XRN1: variants seen among roughly 807,000 people sequenced by gnomAD.
XRN1 encodes the protein 5'-3' exoribonuclease 1, also known as strand-exchange protein 1 homolog.
XRN1 carries 67 observed loss-of-function variants against 222.3 expected under a neutral mutation model. That is an observed-to-expected ratio of 0.30 (90% CI 0.25 to 0.37). The LOEUF (loss-of-function observed/expected upper bound fraction) is 0.37, where lower values mean the gene tolerates loss of function less well. Among genes scored for constraint, XRN1 ranks in the 10% least tolerant of loss-of-function variants. XRN1 has a pLI of 1.00. For missense variants in XRN1, 1,707 were observed against 2,000.2 expected (o/e 0.85, Z 2.80); for synonymous variants, 643 against 652.4 (o/e 0.99, Z 0.22).
intron 2 of XRN1, among the ~76,000 whole-genome samples, chr3:142,431,913 A>AT (rs2069590020): frequency 1.6e-3 from 36 of 23,008 alleles, no homozygotes; most frequent in Non-Finnish European, 2.1e-3. Flanking sequence ...TATATATATA[A>AT]ATATATATAA....
chr3:142,380,061 A>C, intron 23 of XRN1, 21 bp downstream of exon 23: 2 of 1,582,688 alleles, frequency 1.3e-6, no homozygotes, highest in Non-Finnish European at 8.6e-7. Flanking sequence ...TAAATGAAAC[A>C]ATACAAACTA....
Position 142,425,545 on chromosome 3 carries a change from ATAATGT to A in XRN1, c.407-13_407-8del. On this transcript the variant is annotated splice_region_variant and splice_polypyrimidine_tract_variant and intron_variant, in intron 3 of 40. Transcript: ENST00000392981. ...CTGGCCATAAATTCAGTTCCTAAAAATAATGTTTTAAAAAGGTTAATCTAAGAAAGA... is the reference window on the plus strand; with the variant it reads ...CTGGCCATAAATTCAGTTCCTAAAAATTTAAAAAGGTTAATCTAAGAAAGA... 1 of 1,599,848 alleles carries A rather than the reference ATAATGT, an allele frequency of 6.3e-7. No individual in the cohort carries two copies. Among genetic ancestry groups the A allele is most frequent in the Admixed American group, 1.7e-5 (1 of 58,890 alleles).
intron 29 of XRN1, among the ~76,000 whole-genome samples, chr3:142,363,403 T>C (rs1248252136): frequency 6.6e-6 from 1 of 152,174 alleles, no homozygotes; most frequent in East Asian, 1.9e-4. Flanking sequence ...GTTAAAGACA[T>C]TATCCCTTCT....
At chr3:142,315,193 T>C (rs934264926) in intron 39 of XRN1, among the ~76,000 whole-genome samples, 5 of 151,978 alleles carry the variant, frequency 3.3e-5, no homozygotes, top group Non-Finnish European at 7.4e-5. Context: ...GCTCAGCCTC[T>C]CAAAGTGCTG....
chr3:142,362,096 GTA>G (rs2066656206), intron 29 of XRN1, among the ~76,000 whole-genome samples: 1 of 150,408 alleles, frequency 6.6e-6, no homozygotes, highest in African/African-American at 2.5e-5. Flanking sequence ...AGCCTCCTGA[GTA>G]GCTGGGATTA....
At chr3:142,351,827 C>T (rs1232205699) in intron 32 of XRN1, among the ~76,000 whole-genome samples, 4 of 151,550 alleles carry the variant, frequency 2.6e-5, no homozygotes, top group East Asian at 3.9e-4. Context: ...CAGCTGGATA[C>T]TCCACCATCA....
chr3:142,324,931 T>C (rs1036676343), intron 37 of XRN1, among the ~76,000 whole-genome samples: 1 of 152,184 alleles, frequency 6.6e-6, no homozygotes, highest in Middle Eastern at 3.2e-3. Flanking sequence ...TGTGTATATA[T>C]ATACACACAC....
Position 142,447,829 on chromosome 3 carries a change from G to A in XRN1, c.75+41C>T, listed in dbSNP as rs374879283. The A allele has an allele frequency of 5.6e-6, 9 of 1,608,412 alleles. No homozygotes were observed. Among genetic ancestry groups the A allele is most frequent in the South Asian group, 1.1e-5 (1 of 90,822 alleles). On this transcript the variant is annotated intron_variant, in intron 1 of 40. Transcript: ENST00000392981. This position sits in a 1 kb window ranked among gnomAD's most constrained non-coding sequence, Gnocchi z 4.2. The stretch of plus-strand genomic sequence containing the variant: ...AAGGTGGAGAGGGCCGCGGAGCCCC[G>A]GGTCCTCGGCTTTCTGAGCCGTTGC...
chr3:142,356,321 G>GAA (rs2066464470), intron 31 of XRN1, among the ~76,000 whole-genome samples: 2 of 152,036 alleles, frequency 1.3e-5, no homozygotes, highest in African/African-American at 4.8e-5. Flanking sequence ...TGTTTCCTTT[G>GAA]TTATCATCTA....
chr3:142,403,618 C>T (rs2068229031), intron 18 of XRN1, 56 bp downstream of exon 18: 1 of 1,505,184 alleles, frequency 6.6e-7, no homozygotes, highest in Non-Finnish European at 9.2e-7. Flanking sequence ...ATCCCAGCAG[C>T]TACAGTTTAA....
intron 27 of XRN1, among the ~76,000 whole-genome samples, chr3:142,367,283 G>A (rs1009036802): frequency 6.0e-5 from 9 of 150,812 alleles, no homozygotes; most frequent in Admixed American, 4.0e-4. Flanking sequence ...CTGAAACTCC[G>A]TCTCAAAAAA....
intron 33 of XRN1, among the ~76,000 whole-genome samples, chr3:142,337,619 T>C (rs2065886582): frequency 6.6e-6 from 1 of 152,200 alleles, no homozygotes; most frequent in African/African-American, 2.4e-5. Context: ...CTGAACACAG[T>C]AGACACTACT....
rs977125191 is a variant in XRN1 at position 142,310,666 on chromosome 3, C to T, written c.*845G>A. The T allele has an allele frequency of 6.6e-6, 1 of 152,470 alleles. No homozygotes were observed. Among genetic ancestry groups the T allele is most frequent in the African/African-American group, 2.4e-5 (1 of 41,396 alleles). 9.4% of individuals were successfully genotyped at this position (152,470 alleles called of 1,614,324 possible). A position where few individuals can be genotyped will look rare whatever the true frequency, so the allele number is the denominator to read the frequency against. ...TCAGGTAAGCAAATAAAAAGCTATA[C>T]AAAATAATACAGTTTATTAATTAAC... On this transcript the variant is annotated 3_prime_UTR_variant, in exon 41 of 41. Transcript: ENST00000392981.
intron 20 of XRN1, 131 bp downstream of exon 20, chr3:142,397,198 T>C: frequency 1.1e-6 from 1 of 898,296 alleles, no homozygotes; most frequent in East Asian, 3.0e-5. Flanking sequence ...AACTCATTAC[T>C]TTCTAAAACA....
At chr3:142,316,515 T>TA (rs1191004135) in intron 39 of XRN1, among the ~76,000 whole-genome samples, 1 of 152,154 alleles carries the variant, frequency 6.6e-6, no homozygotes, top group Non-Finnish European at 1.5e-5. Context: ...AAAAATATAA[T>TA]AAAAGCTGCT....
rs58913094 is a variant in XRN1, at chr3:142,447,601, C to A, written c.75+269G>T. 3.9e-3 allele frequency among the ~76,000 whole-genome samples: 587 copies of A among 152,320 alleles called. 3 individuals are homozygous for A. The highest frequency in any genetic ancestry group is 0.013 in the African/African-American group (559 of 41,576). On this transcript the variant is annotated intron_variant, in intron 1 of 40. Coordinates refer to ENST00000392981, the MANE Select transcript of XRN1 (RefSeq NM_001282857.2). The surrounding 1 kb of genome is among the most constrained non-coding windows in gnomAD (Gnocchi z 4.2). ...GTAAAAGCGTTCTTTCCCAGGACTT[C>A]ATTTCGGAGTCGCGGAAGGACCAGC...
intron 37 of XRN1, among the ~76,000 whole-genome samples, chr3:142,325,313 G>A (rs888630781): frequency 6.6e-6 from 1 of 152,076 alleles, no homozygotes; most frequent in South Asian, 2.1e-4. Context: ...TTTCTCTAAT[G>A]TAGTGATGTT....
intron 33 of XRN1, among the ~76,000 whole-genome samples, chr3:142,341,638 G>T (rs541035788): frequency 4.3e-4 from 66 of 151,948 alleles, no homozygotes; most frequent in Admixed American, 4.2e-3. Context: ...GTGGCTGAAT[G>T]GATTAAAAAA....
intron 33 of XRN1, among the ~76,000 whole-genome samples, chr3:142,343,051 T>C (rs1282379932): frequency 6.6e-6 from 1 of 152,000 alleles, no homozygotes; most frequent in African/African-American, 2.4e-5. Flanking sequence ...AACCAGAATA[T>C]ATAAGGAGCT....
Sources: allele counts gnomAD v4.1 joint callset (sites outside exome capture counted in the v4.1 genomes callset), GRCh38; gene constraint gnomAD v4.1.1; non-coding constraint Gnocchi (gnomAD v3.1); transcripts MANE v1.5; gene names NCBI Gene and HGNC (gene_info 2026-07-23, HGNC 2026-07-21).